ENTPD7: variants seen among roughly 807,000 people sequenced by gnomAD.
ENTPD7 encodes NTPDase 7.
Under a neutral mutation model 77.9 loss-of-function variants are expected in ENTPD7, and 53 were observed. That is an observed-to-expected ratio of 0.68 (90% CI 0.55 to 0.85). The LOEUF (loss-of-function observed/expected upper bound fraction) is 0.85, where lower values mean the gene tolerates loss of function less well. Ranked by LOEUF, ENTPD7 falls within the 40% of genes least tolerant of loss-of-function variation. The probability of loss-of-function intolerance (pLI) is 0.00; values close to 1 mark genes in which losing one functional copy is unlikely to be tolerated. For synonymous variants in ENTPD7, 248 were observed against 274.9 expected (o/e 0.90, Z 0.97); for missense variants, 636 against 743.7 (o/e 0.86, Z 1.68).
chr10:99,688,887 A>G, intron 7 of ENTPD7, 137 bp downstream of exon 7: 1 of 789,958 alleles, frequency 1.3e-6, no homozygotes, highest in Non-Finnish European at 2.1e-6. Flanking sequence ...TCCAGTCCTA[A>G]TTTGCTTTCT....
chr10:99,691,625 C>A, intron 8 of ENTPD7, 107 bp downstream of exon 8: 1 of 1,250,384 alleles, frequency 8.0e-7, no homozygotes, highest in Non-Finnish European at 1.1e-6. Flanking sequence ...AATATTTGTT[C>A]AGATACTTGC....
rs2035487910 is a variant in ENTPD7, at chr10:99,661,585, C to T, written c.148C>T (p.Arg50Ter). 3.7e-6 allele frequency: 6 copies of T among 1,612,956 alleles called. No individual in the cohort carries two copies. Among genetic ancestry groups the T allele is most frequent in the South Asian group, 1.1e-5 (1 of 90,864 alleles). Residue 50 changes from arginine (R) to a stop codon, truncating the protein, a stop_gained, in exon 3 of 13, where the codon CGA (arginine) becomes TGA (stop). Coordinates refer to ENST00000370489, the MANE Select transcript of ENTPD7 (RefSeq NM_020354.5). LOFTEE classifies it high-confidence loss of function. ...TTTACTTATGTTAATCATAGACTTTCGACATTGGAGTGCTTCATTACCACG... is the reference window on the plus strand; with the variant it reads ...TTTACTTATGTTAATCATAGACTTTTGACATTGGAGTGCTTCATTACCACG... ...LLLLMLIIDF[R>*]HWSASLPRDR...
rs2035454229 is a variant in ENTPD7 at position 99,659,858 on chromosome 10, C to T, written c.-95-4C>T. ...GACAGAAGCCTGAAATCAAATCTTT[C>T]TAGGCTGCAGACGTAGGAGATGCCT... On this transcript the variant is annotated splice_polypyrimidine_tract_variant and splice_region_variant and intron_variant, in intron 1 of 12. Transcript: ENST00000370489. The surrounding 1 kb of genome is among the most constrained non-coding windows in gnomAD (Gnocchi z 4.1). 3 of 1,549,590 alleles carry T rather than the reference C, an allele frequency of 1.9e-6. No homozygotes were observed. The highest frequency in any genetic ancestry group is 1.4e-5 in the African/African-American group (1 of 73,326).
intron 3 of ENTPD7, among the ~76,000 whole-genome samples, chr10:99,675,245 G>A (rs1389044115): frequency 6.6e-6 from 1 of 151,958 alleles, no homozygotes; most frequent in Non-Finnish European, 1.5e-5. Flanking sequence ...TTGGAAAACT[G>A]TATCTGCCAC....
At position 99,679,432 on chromosome 10, in the gene ENTPD7, C is replaced by T; in HGVS notation, c.363C>T (p.Arg121=). 1 of 1,613,844 alleles carries T rather than the reference C, an allele frequency of 6.2e-7. No homozygotes were observed. The highest frequency in any genetic ancestry group is 8.5e-7 in the Non-Finnish European group (1 of 1,179,958). ...TGGACATCAAACAGATGAGAGACCGCAACAGCCAACCAGTGGTTAAAAAAA... is the reference window on the plus strand; with the variant it reads ...TGGACATCAAACAGATGAGAGACCGTAACAGCCAACCAGTGGTTAAAAAAA... ...DLLDIKQMRD[R]NSQPVVKKIK... The change falls in exon 4 of 13, where the codon CGC becomes CGT. Residue 121 remains arginine, a synonymous_variant. Transcript: ENST00000370489.
chr10:99,683,757 T>C (rs978212732), intron 5 of ENTPD7, among the ~76,000 whole-genome samples: 1 of 152,048 alleles, frequency 6.6e-6, no homozygotes, highest in Admixed American at 6.5e-5. Flanking sequence ...TTTTCATGTC[T>C]ATACATGTAG....
At position 99,679,393 on chromosome 10, in the gene ENTPD7, C is replaced by G. The variant is rs764753437; in HGVS notation, c.324C>G (p.Asn108Lys). ...FVYFWPRHNG[N>K]PHDLLDIKQM... ...ATTTCTGGCCAAGACATAATGGGAA[C>G]CCCCATGACTTGCTGGACATCAAAC... Residue 108 changes from asparagine (N) to lysine (K), a missense_variant, in exon 4 of 13, where the codon AAC (asparagine) becomes AAG (lysine). This residue lies in a region of ENTPD7 where 486 missense variants were observed against 556.5 expected (regional missense o/e 0.87). Transcript: ENST00000370489. 8.1e-6 allele frequency: 13 copies of G among 1,613,926 alleles called. No homozygotes were observed. The South Asian group carries it at 1.4e-4, about 18-fold the overall frequency.
intron 11 of ENTPD7, 87 bp downstream of exon 11, chr10:99,701,145 A>T: frequency 8.5e-7 from 1 of 1,175,698 alleles, no homozygotes; most frequent in South Asian, 1.3e-5. Context: ...TGCAGATTAG[A>T]TTTCATGTTG....
intron 4 of ENTPD7, 82 bp from the exon 5 acceptor site, chr10:99,679,643 C>CT: frequency 1.3e-6 from 2 of 1,516,156 alleles, no homozygotes; most frequent in Non-Finnish European, 1.8e-6. Context: ...TTGAGGAGAA[C>CT]TTTATAGGGT....
At chr10:99,691,639 C>G in intron 8 of ENTPD7, 121 bp downstream of exon 8, 2 of 1,065,876 alleles carry the variant, frequency 1.9e-6, no homozygotes, top group South Asian at 3.4e-5. Flanking sequence ...TACTTGCTAG[C>G]TTGCGTTATC....
At chr10:99,702,731 C>T (rs2036165670) in intron 12 of ENTPD7, 58 bp downstream of exon 12, 1 of 1,451,848 alleles carries the variant, frequency 6.9e-7, no homozygotes, top group Non-Finnish European at 9.2e-7. Flanking sequence ...GTTGATGCCT[C>T]AGAATCGGTT....
chr10:99,687,756 C>G (rs1291077948), intron 6 of ENTPD7, among the ~76,000 whole-genome samples: 2 of 152,170 alleles, frequency 1.3e-5, no homozygotes, highest in African/African-American at 4.8e-5. Context: ...CACAACTTTG[C>G]TCCCTACTGT....
Position 99,696,012 on chromosome 10 carries a change from C to G in ENTPD7, c.900C>G (p.His300Gln). Residue 300 changes from histidine (H) to glutamine (Q), a missense_variant, in exon 9 of 13, where the codon CAC becomes CAG. His to Gln is a conservative substitution (Grantham distance 24). This residue lies in a region of ENTPD7 where 486 missense variants were observed against 556.5 expected (regional missense o/e 0.87). Coordinates refer to ENST00000370489, the MANE Select transcript of ENTPD7 (RefSeq NM_020354.5). ...AEFNLGCDVQHTEHVYRVYVT... is the reference protein window; with the variant it reads ...AEFNLGCDVQQTEHVYRVYVT... ...TCAACCTGGGCTGTGATGTGCAACACACTGAACACGTGTACAGGGTTTATG... is the reference window on the plus strand; with the variant it reads ...TCAACCTGGGCTGTGATGTGCAACAGACTGAACACGTGTACAGGGTTTATG... The G allele has an allele frequency of 1.9e-6, 3 of 1,614,156 alleles. No homozygotes were observed. Among genetic ancestry groups the G allele is most frequent in the Non-Finnish European group, 2.5e-6 (3 of 1,180,028 alleles).
At position 99,708,106 on chromosome 10, in the gene ENTPD7, A is replaced by G. The variant is rs1204349724; in HGVS notation, c.*3423A>G. Among the ~76,000 whole-genome samples the G allele has an allele frequency of 1.3e-5, 2 of 152,118 alleles. No individual in the cohort carries two copies. Among genetic ancestry groups the G allele is most frequent in the African/African-American group, 2.4e-5 (1 of 41,424 alleles). On this transcript the variant is annotated 3_prime_UTR_variant, in exon 13 of 13. Coordinates refer to ENST00000370489, the MANE Select transcript of ENTPD7 (RefSeq NM_020354.5). ...GTCTATTCTGGTCTGGGAAATTTTC[A>G]TCACTTTCCACCAATCTTCTATTTA...
chr10:99,690,761 C>T (rs1434815270), intron 7 of ENTPD7, among the ~76,000 whole-genome samples: 3 of 151,612 alleles, frequency 2.0e-5, no homozygotes, highest in Admixed American at 6.6e-5. Flanking sequence ...AGGCTGGTCT[C>T]GAACTCCTGA....
Position 99,695,982 on chromosome 10 carries a change from T to C in ENTPD7, c.870T>C (p.Ala290=). The change falls in exon 9 of 13, where the codon GCT becomes GCC. Residue 290 remains alanine (A), a synonymous_variant. Coordinates refer to ENST00000370489, the MANE Select transcript of ENTPD7 (RefSeq NM_020354.5). ...AAGAAGCTGCCAAGATCCTGCTGGC[T>C]GAGTTCAACCTGGGCTGTGATGTGC... ...KQEEAAKILL[A]EFNLGCDVQH... is the part of the protein sequence containing the mutation. 6.2e-7 allele frequency: 1 copy of C among 1,613,676 alleles called. No individual in the cohort carries two copies. Among genetic ancestry groups the C allele is most frequent in the Non-Finnish European group, 8.5e-7 (1 of 1,179,822 alleles).
Position 99,704,766 on chromosome 10 carries a change from G to A in ENTPD7, c.*83G>A. 1 of 1,254,298 alleles carries A rather than the reference G, an allele frequency of 8.0e-7. No homozygotes were observed. The highest frequency in any genetic ancestry group is 1.1e-6 in the Non-Finnish European group (1 of 888,414). The allele number at this position is 1,254,298 out of a possible 1,614,324, so 77.7% of individuals were successfully genotyped here. On this transcript the variant is annotated 3_prime_UTR_variant, in exon 13 of 13. Transcript: ENST00000370489. ...TCCACTTTCTTATATAGCCTCAGAT[G>A]CTGTGATGTCTGACCTTGTGGATAT... is the stretch of plus-strand genomic sequence containing the variant.
At chr10:99,702,714 G>A (rs770955141) in intron 12 of ENTPD7, 41 bp downstream of exon 12, 1 of 1,530,858 alleles carries the variant, frequency 6.5e-7, no homozygotes, top group East Asian at 2.4e-5. Flanking sequence ...GAGCTCAGAG[G>A]ATATCAGTTG....
intron 8 of ENTPD7, among the ~76,000 whole-genome samples, chr10:99,693,746 C>T (rs1404216858): frequency 1.3e-5 from 2 of 152,004 alleles, no homozygotes; most frequent in East Asian, 1.9e-4. Context: ...GGTGAAACCC[C>T]GTCTCTACTA....
Sources: gnomAD v4.1 joint callset for allele counts (sites outside exome capture counted in the v4.1 genomes callset) on GRCh38, gnomAD v4.1.1 for gene constraint, gnomAD v4.1.1 regional missense constraint, Gnocchi (gnomAD v3.1) non-coding constraint, MANE v1.5 for transcripts, NCBI Gene and HGNC (gene_info 2026-07-23, HGNC 2026-07-21) for gene names.